EP400: variants seen among roughly 807,000 people sequenced by gnomAD.
The protein encoded by EP400 is E1A-binding protein p400.
In EP400, 105 loss-of-function variants were observed where a neutral mutation model predicts 354.1. The observed-to-expected ratio is 0.30, with a 90% CI of 0.25 to 0.35. The LOEUF is 0.35. Ranked by LOEUF, EP400 falls within the 10% of genes least tolerant of loss-of-function variation. EP400 has a pLI of 1.00. For synonymous variants in EP400, 1,646 were observed against 1,716.9 expected (o/e 0.96, Z 1.02); for missense variants, 3,280 against 4,121.0 (o/e 0.80, Z 5.59).
At chr12:132,019,494 A>G (rs1593351061) in intron 21 of EP400, among the ~76,000 whole-genome samples, 2 of 152,006 alleles carry the variant, frequency 1.3e-5, no homozygotes, top group African/African-American at 4.8e-5. Flanking sequence ...GCTTGAGCCC[A>G]GGAGTTGGAG....
chr12:132,047,603 C>G (rs981583976), intron 39 of EP400, among the ~76,000 whole-genome samples: 9 of 152,132 alleles, frequency 5.9e-5, no homozygotes, highest in African/African-American at 2.2e-4. Flanking sequence ...ACATGCTTCA[C>G]AAGGTAATAG....
At chr12:132,043,969 C>T (rs1894999142) in intron 34 of EP400, among the ~76,000 whole-genome samples, 1 of 152,206 alleles carries the variant, frequency 6.6e-6, no homozygotes, top group African/African-American at 2.4e-5. Flanking sequence ...GCTTGTTCTA[C>T]CCCTGTAGGG....
In EP400 at chr12:131,992,226, C is replaced by T. The variant is rs771828481; in HGVS notation, c.2733C>T (p.Asp911=). 1.8e-5 allele frequency: 29 copies of T among 1,610,052 alleles called. No homozygotes were observed. In the Admixed American group the frequency reaches 1.8e-4, roughly 10 times the overall value. The change falls in exon 11 of 53, where the codon GAC becomes GAT. Residue 911 remains aspartate, a synonymous_variant. Transcript: ENST00000389561. The stretch of plus-strand genomic sequence containing the variant: ...AAGCTAGCATATCTTTGACTGATGA[C>T]GAAGGTCTGTTCCCCCTCAGCACTA... ...KRKASISLTD[D]EVDDEEETIE...
chr12:132,037,643 C>T (rs781663462), intron 30 of EP400, 39 bp from the exon 31 acceptor site: 8 of 1,546,878 alleles, frequency 5.2e-6, no homozygotes, highest in South Asian at 2.2e-5. Context: ...ACTGTGTTTC[C>T]TGGTGACTGA....
In EP400 at chr12:132,053,404, C is replaced by T. The variant is rs768680235; in HGVS notation, c.7535C>T (p.Pro2512Leu). 1.6e-4 allele frequency: 231 copies of T among 1,416,938 alleles called. No homozygotes were observed. Among genetic ancestry groups the T allele is most frequent in the Admixed American group, 3.3e-4 (16 of 49,152 alleles). The allele number at this position is 1,416,938 out of a possible 1,614,324, so 87.8% of individuals were successfully genotyped here. ...GTGGCCCAGCCACCCCCGCCCCAGCCGCAGCCCCCACCACCCCCGCAGCAG... is the reference window on the plus strand; with the variant it reads ...GTGGCCCAGCCACCCCCGCCCCAGCTGCAGCCCCCACCACCCCCGCAGCAG... ...PAVAQPPPPQ[P>L]QPPPPPQQPP... The change falls in exon 43 of 53, where the codon CCG (proline) becomes CTG (leucine). Residue 2512 changes from proline to leucine, a missense_variant. Pro to Leu is a moderately conservative substitution (Grantham distance 98, BLOSUM62 -3). This residue lies in a region of EP400 where 255 missense variants were observed against 295.9 expected (regional missense o/e 0.86). Coordinates refer to ENST00000389561, the MANE Select transcript of EP400 (RefSeq NM_015409.5).
At chr12:132,071,818 GCT>G (rs1162035464) in intron 51 of EP400, among the ~76,000 whole-genome samples, 1 of 152,146 alleles carries the variant, frequency 6.6e-6, no homozygotes, top group African/African-American at 2.4e-5. Flanking sequence ...CAGCTTTTCT[GCT>G]CTCTGTTTCT....
In EP400 at chr12:132,020,125, A is replaced by G. The variant is rs1894075783; in HGVS notation, c.4354A>G (p.Thr1452Ala). 1 of 1,610,858 alleles carries G rather than the reference A, an allele frequency of 6.2e-7. No individual in the cohort carries two copies. The highest frequency in any genetic ancestry group is 1.3e-5 in the African/African-American group (1 of 74,816). Residue 1452 changes from threonine (T) to alanine (A), a missense_variant, in exon 22 of 53, where the codon ACG becomes GCG. This residue lies in a region of EP400 where 342 missense variants were observed against 342.7 expected (regional missense o/e 1.00). Coordinates refer to ENST00000389561, the MANE Select transcript of EP400 (RefSeq NM_015409.5). ...TTTCCCCAGCACTCACCCGCCCCGG[A>G]CGGCAGCCCCCACCACGGCCTCTGC... is the stretch of plus-strand genomic sequence containing the variant. ...VAFPSTHPPRTAAPTTASAAP... is the reference protein window; with the variant it reads ...VAFPSTHPPRAAAPTTASAAP...
intron 5 of EP400, among the ~76,000 whole-genome samples, chr12:131,985,010 C>CA (rs1290239820): frequency 6.6e-6 from 1 of 151,710 alleles, no homozygotes; most frequent in Non-Finnish European, 1.5e-5. Flanking sequence ...CATGCTTAGG[C>CA]AACTGTTTTT....
At position 132,067,294 on chromosome 12, in the gene EP400, A is replaced by G; in HGVS notation, c.8750-68A>G. On this transcript the variant is annotated intron_variant, in intron 49 of 52. Coordinates refer to ENST00000389561, the MANE Select transcript of EP400 (RefSeq NM_015409.5). This position sits in a 1 kb window ranked among gnomAD's most constrained non-coding sequence, Gnocchi z 5.3. ...TTTCTGTAGAGGTGAGTCAGTTGGA[A>G]CAGAGCTTGGCGTGAGCCTCAAGCT... 1 of 1,574,736 alleles carries G rather than the reference A, an allele frequency of 6.4e-7. No homozygotes were observed.
chr12:131,953,195 T>C (rs1891575388), intron 1 of EP400, among the ~76,000 whole-genome samples: 1 of 152,184 alleles, frequency 6.6e-6, no homozygotes, highest in Non-Finnish European at 1.5e-5. Context: ...AGTATTAAAA[T>C]TCCATGGGGA....
chr12:131,989,422 G>A (rs1892960120), intron 7 of EP400, among the ~76,000 whole-genome samples: 3 of 152,206 alleles, frequency 2.0e-5, no homozygotes, highest in Non-Finnish European at 2.9e-5. Flanking sequence ...TCCCTAGAAC[G>A]GGCGTGGGGG....
chr12:131,970,354 CT>C (rs142320602), intron 2 of EP400, among the ~76,000 whole-genome samples: 4,149 of 152,314 alleles, frequency 0.027, 80 homozygotes, highest in Non-Finnish European at 0.043. Context: ...GGATTCTCAT[CT>C]GCTTTTGATG....
chr12:132,065,125 AG>A (rs1895847185), intron 48 of EP400: 7 of 716,814 alleles, frequency 9.8e-6, no homozygotes, highest in South Asian at 2.0e-5. Context: ...GCTTGAATTG[AG>A]GGGGGTGGAG....
chr12:131,965,965 A>G (rs1892061470), intron 2 of EP400, among the ~76,000 whole-genome samples: 1 of 151,662 alleles, frequency 6.6e-6, no homozygotes, highest in South Asian at 2.1e-4. Context: ...TATTCATTTC[A>G]TTTGGATAAA....
rs1322519369 is a variant in EP400 at position 132,070,382 on chromosome 12, G to T, written c.9021+741G>T. Among the ~76,000 whole-genome samples the T allele has an allele frequency of 2.0e-5, 3 of 152,168 alleles. No individual in the cohort carries two copies. The highest frequency in any genetic ancestry group is 2.4e-5 in the African/African-American group (1 of 41,434). On this transcript the variant is annotated intron_variant, in intron 51 of 52. Transcript: ENST00000389561. This position sits in a 1 kb window ranked among gnomAD's most constrained non-coding sequence, Gnocchi z 4.1. ...TAAAAGCCCAATTCTGTCATCCATCGATCCACAGTGCCGCCTCCACCTGAG... is the reference window on the plus strand; with the variant it reads ...TAAAAGCCCAATTCTGTCATCCATCTATCCACAGTGCCGCCTCCACCTGAG...
chr12:132,046,941 A>G (rs1036117276), intron 39 of EP400, among the ~76,000 whole-genome samples: 2 of 152,246 alleles, frequency 1.3e-5, no homozygotes, highest in East Asian at 3.8e-4. Context: ...CCATCCAAAC[A>G]GGAGCTGTGG....
At chr12:131,956,382 ACTTAATGTATCTGGAAATTTTGGTTT>A (rs1348590584) in intron 1 of EP400, among the ~76,000 whole-genome samples, 2 of 151,948 alleles carry the variant, frequency 1.3e-5, no homozygotes. Context: ...TGCTTTTTTC[ACTTAATGTATCTGGAAATTTTGGTTT>A]TATTACTTAT....
At chr12:132,060,013 A>G (rs1895639179) in intron 45 of EP400, among the ~76,000 whole-genome samples, 1 of 150,770 alleles carries the variant, frequency 6.6e-6, no homozygotes, top group African/African-American at 2.5e-5. Flanking sequence ...ACAGAGCGAG[A>G]CTCCGTTAAA....
At chr12:132,063,910 C>G (rs1342944148) in intron 47 of EP400, among the ~76,000 whole-genome samples, 1 of 152,162 alleles carries the variant, frequency 6.6e-6, no homozygotes, top group Non-Finnish European at 1.5e-5. Context: ...ATGCTGTGCT[C>G]AAGAGTCCCA....
Sources: gnomAD v4.1 joint callset for allele counts (sites outside exome capture counted in the v4.1 genomes callset) on GRCh38, gnomAD v4.1.1 for gene constraint, gnomAD v4.1.1 regional missense constraint, Gnocchi (gnomAD v3.1) non-coding constraint, MANE v1.5 for transcripts, NCBI Gene and HGNC (gene_info 2026-07-23, HGNC 2026-07-21) for gene names.